Variants in CLVS1 observed in about 807,000 individuals in gnomAD.
CLVS1 encodes the protein clavesin-1.
In CLVS1, 10 loss-of-function variants were observed where a neutral mutation model predicts 33.1. The ratio of observed to expected loss-of-function variants is 0.30; its 90% CI spans 0.19 to 0.51. CLVS1 has a LOEUF of 0.51. CLVS1 is among the 20% of genes least tolerant of loss of function. The pLI, the probability that CLVS1 is intolerant of heterozygous loss-of-function variation, is 0.97. For missense variants in CLVS1, 343 were observed against 433.4 expected, an observed-to-expected ratio of 0.79 and a Z score of 1.85; for synonymous variants, 163 against 166.1, an observed-to-expected ratio of 0.98 and a Z score of 0.14.
chr8:61,205,616 T>C lies in CLVS1; in HGVS notation c.-152+73756T>C, dbSNP rs556800580. ...GCTTTCTATGTATGCTGCCTTTGGGTATACTTCCAGAAGTGGACTTGCTGA... is the reference window on the plus strand; with the variant it reads ...GCTTTCTATGTATGCTGCCTTTGGGCATACTTCCAGAAGTGGACTTGCTGA... On this transcript the variant is annotated intron_variant, in intron 2 of 2. Coordinates refer to the CLVS1 transcript ENST00000522621. Among the ~76,000 whole-genome samples, 11 of 152,336 alleles carry C rather than the reference T, an allele frequency of 7.2e-5. 1 individual carries two copies. The highest frequency in any genetic ancestry group is 6.2e-4 in the South Asian group (3 of 4,830).
chr8:61,011,740 C>T, the CLVS1 span, among the ~76,000 whole-genome samples: 1 of 152,148 alleles, frequency 6.6e-6, no homozygotes, highest in African/African-American at 2.4e-5. Flanking sequence ...AACCACCTTG[C>T]CCAGCCCATG....
intron 3 of CLVS1, among the ~76,000 whole-genome samples, chr8:61,416,074 A>G (rs926903466): frequency 2.6e-5 from 4 of 152,202 alleles, no homozygotes; most frequent in African/African-American, 9.6e-5. Flanking sequence ...GCTAAGAGGA[A>G]TCCTAGCCAC....
chr8:61,273,267 G>C (rs969087610), intron 2 of CLVS1, among the ~76,000 whole-genome samples: 6 of 152,142 alleles, frequency 3.9e-5, no homozygotes, highest in African/African-American at 1.4e-4. Flanking sequence ...GTGTCAGTCT[G>C]CCCCTGCTGG....
chr8:61,288,426 C>G (rs1163829754), intron 1 of CLVS1, among the ~76,000 whole-genome samples: 6 of 152,190 alleles, frequency 3.9e-5, no homozygotes. Flanking sequence ...ACTATAGTCA[C>G]ACAACTGTGT....
At chr8:61,482,351 G>T (rs920370053) in intron 5 of CLVS1, among the ~76,000 whole-genome samples, 13 of 152,238 alleles carry the variant, frequency 8.5e-5, no homozygotes, top group Non-Finnish European at 1.5e-4. Context: ...GATGGAGAAT[G>T]ACTTTGATGA....
intron 2 of CLVS1, among the ~76,000 whole-genome samples, chr8:61,239,415 G>A (rs951455182): frequency 2.0e-5 from 3 of 152,062 alleles, no homozygotes; most frequent in African/African-American, 7.2e-5. Flanking sequence ...TTCTAATATA[G>A]GTATTTTTTT....
intron 2 of CLVS1, among the ~76,000 whole-genome samples, chr8:61,168,641 T>C (rs13253027): frequency 0.42 from 64,021 of 152,170 alleles, 15,592 homozygotes; most frequent in Middle Eastern, 0.65. Context: ...TCCAAACTAA[T>C]GTTTCCAAAT....
chr8:61,314,120 C>T (rs1810933846), intron 2 of CLVS1, among the ~76,000 whole-genome samples: 1 of 152,174 alleles, frequency 6.6e-6, no homozygotes, highest in African/African-American at 2.4e-5. Context: ...CTCCACTGTT[C>T]AGGATGCTGC....
chr8:61,444,391 A>G lies in CLVS1; in HGVS notation c.631-9750A>G, dbSNP rs190682040. ...TGGCAGATGTTTTAAAATCACGTTT[A>G]GAAGGTTCCTCTCCAATTCTATTTT... On this transcript the variant is annotated intron_variant, in intron 3 of 5. Transcript: ENST00000325897. Among the ~76,000 whole-genome samples the G allele has an allele frequency of 6.4e-4, 98 of 152,340 alleles. 1 individual carries two copies. Among genetic ancestry groups the G allele is most frequent in the African/African-American group, 2.4e-3 (98 of 41,578 alleles).
intron 2 of CLVS1, among the ~76,000 whole-genome samples, chr8:61,269,573 T>A (rs1225961778): frequency 6.6e-6 from 1 of 151,724 alleles, no homozygotes; most frequent in Non-Finnish European, 1.5e-5. Flanking sequence ...GGTAGCTTGA[T>A]GGGGATGGCA....
chr8:61,416,549 C>G (rs1334442827), intron 3 of CLVS1, among the ~76,000 whole-genome samples: 1 of 152,098 alleles, frequency 6.6e-6, no homozygotes, highest in East Asian at 1.9e-4. Flanking sequence ...GGCATTAGCT[C>G]CATCAAAAAG....
chr8:61,162,370 G>A (rs1418744167), intron 2 of CLVS1, among the ~76,000 whole-genome samples: 1 of 152,214 alleles, frequency 6.6e-6, no homozygotes, highest in African/African-American at 2.4e-5. Context: ...TTCAGGGAGT[G>A]AGGGAAAATT....
chr8:60,966,227 C>G, the CLVS1 span: 1 of 372,304 alleles, frequency 2.7e-6, no homozygotes, highest in Non-Finnish European at 5.4e-6. Flanking sequence ...GGTACCCTAA[C>G]TAGCGCGGCT....
At chr8:61,450,733 A>G (rs1816921694) in intron 3 of CLVS1, among the ~76,000 whole-genome samples, 1 of 152,204 alleles carries the variant, frequency 6.6e-6, no homozygotes, top group Admixed American at 6.5e-5. Context: ...GCCATCAAAA[A>G]TAGTTATTAC....
chr8:60,977,050 A>G, the CLVS1 span, among the ~76,000 whole-genome samples: 1 of 152,346 alleles, frequency 6.6e-6, no homozygotes, highest in East Asian at 1.9e-4. Flanking sequence ...GACAGTCTGG[A>G]AATATCTGTC....
At chr8:61,488,176 C>A (rs998323328) in intron 5 of CLVS1, among the ~76,000 whole-genome samples, 1 of 152,130 alleles carries the variant, frequency 6.6e-6, no homozygotes, top group African/African-American at 2.4e-5. Flanking sequence ...TCCTTCTGAC[C>A]ATCTCAGAAC....
At chr8:61,243,712 A>G (rs1404385169) in intron 2 of CLVS1, among the ~76,000 whole-genome samples, 1 of 152,092 alleles carries the variant, frequency 6.6e-6, no homozygotes, top group Non-Finnish European at 1.5e-5. Flanking sequence ...ATATTATTTA[A>G]GGCTTCTCCC....
Position 61,089,590 on chromosome 8 carries a change from G to C in CLVS1, c.-243+32360G>C, listed in dbSNP as rs568580873. 2.5e-4 allele frequency among the ~76,000 whole-genome samples: 38 copies of C among 152,188 alleles called. 1 individual carries two copies. The highest frequency in any genetic ancestry group is 4.1e-4 in the Non-Finnish European group (28 of 68,040). On this transcript the variant is annotated intron_variant, in intron 1 of 2. Transcript: ENST00000522621. Reference sequence around the variant, plus strand: ...ACGAGAACTCTAACTCAGGAAATAAGGTCCTTGGAGCTATCACTTTCAAAA... The same window carrying C: ...ACGAGAACTCTAACTCAGGAAATAACGTCCTTGGAGCTATCACTTTCAAAA...
At chr8:61,145,897 G>A (rs1204425627) in intron 2 of CLVS1, among the ~76,000 whole-genome samples, 1 of 152,178 alleles carries the variant, frequency 6.6e-6, no homozygotes. Context: ...TCCCAGTTCT[G>A]GGTGAGGAAA....
Sources: allele counts gnomAD v4.1 joint callset (sites outside exome capture counted in the v4.1 genomes callset), GRCh38; gene constraint gnomAD v4.1.1; transcripts MANE v1.5; gene names NCBI Gene and HGNC (gene_info 2026-07-23, HGNC 2026-07-21).